Variants in ABCC4 observed in about 807,000 individuals in gnomAD.
ABCC4 encodes the protein ATP-binding cassette sub-family C member 4.
In ABCC4, 102 loss-of-function variants were observed where a neutral mutation model predicts 168.5. The ratio of observed to expected loss-of-function variants is 0.61; its 90% CI spans 0.52 to 0.71. The LOEUF (loss-of-function observed/expected upper bound fraction) is 0.71, where lower values mean the gene tolerates loss of function less well. ABCC4 is among the 30% of genes least tolerant of loss of function. The pLI, the probability that ABCC4 is intolerant of heterozygous loss-of-function variation, is 0.00. For synonymous variants in ABCC4, 617 were observed against 590.7 expected (o/e 1.04, Z -0.65); for missense variants, 1,402 against 1,605.8 (o/e 0.87, Z 2.17).
intron 20 of ABCC4, among the ~76,000 whole-genome samples, chr13:95,113,856 G>A (rs1396831205): frequency 6.6e-6 from 1 of 152,088 alleles, no homozygotes; most frequent in Non-Finnish European, 1.5e-5. Context: ...AATGAATGTT[G>A]GGAAATGTCC....
chr13:95,270,804 T>C (rs1487577535), intron 1 of ABCC4, among the ~76,000 whole-genome samples: 5 of 152,326 alleles, frequency 3.3e-5, no homozygotes, highest in Admixed American at 2.0e-4. Flanking sequence ...TCATAGATGG[T>C]GGCCAAATGG....
chr13:95,282,332 G>A (rs910104950), intron 1 of ABCC4, among the ~76,000 whole-genome samples: 42 of 152,006 alleles, frequency 2.8e-4, no homozygotes, highest in African/African-American at 9.4e-4. Context: ...TCAAAGACAG[G>A]AAAGTCCCAC....
intron 15 of ABCC4, 88 bp from the exon 16 acceptor site, chr13:95,164,606 G>C: frequency 6.9e-7 from 1 of 1,453,908 alleles, no homozygotes; most frequent in Admixed American, 1.9e-5. Context: ...AAAGCTGTGG[G>C]GAAACAGGCA....
rs141097944 is a variant in ABCC4, at chr13:95,071,731, G to A, written c.3141C>T (p.Asn1047=). Residue 1047 remains asparagine, a synonymous_variant, in exon 25 of 31, where the codon AAC becomes AAT. Transcript: ENST00000645237. ...GAGGCCCACCTGGACTGTACATGAA[G>A]TTCACATTGTCAAAGATTATCACTC... ...HEGVIIFDNV[N]FMYSPGGPLV... 2 of 1,603,984 alleles carry A rather than the reference G, an allele frequency of 1.2e-6. No homozygotes were observed. The highest frequency in any genetic ancestry group is 1.1e-5 in the South Asian group (1 of 88,806).
intron 19 of ABCC4, among the ~76,000 whole-genome samples, chr13:95,129,607 T>G (rs916584844): frequency 6.6e-6 from 1 of 152,218 alleles, no homozygotes; most frequent in Non-Finnish European, 1.5e-5. Context: ...CTAAAATGGA[T>G]AGTATTTCTC....
chr13:95,022,271 A>G (rs2139188712), intron 30 of ABCC4, among the ~76,000 whole-genome samples: 1 of 152,330 alleles, frequency 6.6e-6, no homozygotes. Flanking sequence ...AGCTTTAACA[A>G]TGACTCAACC....
At chr13:95,205,185 T>A (rs529596215) in intron 8 of ABCC4, among the ~76,000 whole-genome samples, 1 of 152,310 alleles carries the variant, frequency 6.6e-6, no homozygotes, top group Admixed American at 6.5e-5. Flanking sequence ...ATATTTTTTA[T>A]GAAATACAAA....
rs988505285 is a variant in ABCC4 at position 95,133,398 on chromosome 13, G to A, written c.2456-17397C>T. On this transcript the variant is annotated intron_variant, in intron 19 of 30. Transcript: ENST00000645237. ...CAAAAAGGTGGGATTACAGGTATGAGCCACCACACCCAGTCCCTAAAAACA... is the reference window on the plus strand; with the variant it reads ...CAAAAAGGTGGGATTACAGGTATGAACCACCACACCCAGTCCCTAAAAACA... 2.0e-5 allele frequency among the ~76,000 whole-genome samples: 3 copies of A among 152,034 alleles called. 1 individual carries two copies. The highest frequency in any genetic ancestry group is 4.1e-4 in the South Asian group (2 of 4,826).
intron 9 of ABCC4, among the ~76,000 whole-genome samples, chr13:95,192,323 C>T (rs1426287620): frequency 6.6e-6 from 1 of 152,106 alleles, no homozygotes; most frequent in African/African-American, 2.4e-5. Flanking sequence ...CACCCCAGCA[C>T]CCTCTCAGCC....
chr13:95,137,644 T>A (rs569827011), intron 19 of ABCC4, among the ~76,000 whole-genome samples: 27 of 152,290 alleles, frequency 1.8e-4, no homozygotes, highest in Admixed American at 1.2e-3. Context: ...GCTTTCCTGG[T>A]GGTGTCCCTC....
chr13:95,045,991 A>C (rs961552736), intron 27 of ABCC4, among the ~76,000 whole-genome samples: 2 of 152,246 alleles, frequency 1.3e-5, no homozygotes, highest in African/African-American at 4.8e-5. Flanking sequence ...CATGCAAGGT[A>C]GGAAATTAAA....
At chr13:95,217,090 C>T (rs2039135555) in intron 4 of ABCC4, among the ~76,000 whole-genome samples, 1 of 152,120 alleles carries the variant, frequency 6.6e-6, no homozygotes. Flanking sequence ...GAGCAGGGCA[C>T]CATTTGATAG....
Position 95,294,950 on chromosome 13 carries a change from A to C in ABCC4, c.74+6291T>G, listed in dbSNP as rs530898608. Among the ~76,000 whole-genome samples, 15 of 152,258 alleles carry C rather than the reference A, an allele frequency of 9.9e-5. No individual in the cohort carries two copies. In the South Asian group the frequency reaches 2.9e-3, roughly 29 times the overall value. Reference sequence around the variant, plus strand: ...GCTTGGGCAACAAGAGTGAAACTCCATCTCAAAAATTAAAAAATTAAAAAC... The same window carrying C: ...GCTTGGGCAACAAGAGTGAAACTCCCTCTCAAAAATTAAAAAATTAAAAAC... On this transcript the variant is annotated intron_variant, in intron 1 of 30. Transcript: ENST00000645237.
chr13:95,057,640 C>A (rs1006493164), intron 26 of ABCC4, among the ~76,000 whole-genome samples: 4 of 152,164 alleles, frequency 2.6e-5, no homozygotes, highest in Admixed American at 2.6e-4. Context: ...TTAATCCTAA[C>A]CACGAATTTG....
At chr13:95,157,498 A>AGAGG (rs1346576999) in intron 19 of ABCC4, among the ~76,000 whole-genome samples, 2 of 135,796 alleles carry the variant, frequency 1.5e-5, no homozygotes, top group African/African-American at 5.9e-5. Context: ...AAAGGAAGAA[A>AGAGG]GAGGAAGGAA....
chr13:95,199,909 C>T (rs1264976898), intron 8 of ABCC4, among the ~76,000 whole-genome samples: 1 of 152,218 alleles, frequency 6.6e-6, no homozygotes, highest in Non-Finnish European at 1.5e-5. Context: ...CATCTCTCTC[C>T]ACTACCACGC....
At chr13:95,106,083 G>A (rs2034993319) in intron 20 of ABCC4, among the ~76,000 whole-genome samples, 1 of 152,106 alleles carries the variant, frequency 6.6e-6, no homozygotes, top group Admixed American at 6.6e-5. Context: ...ATTACAAGAT[G>A]AGCTGCCACT....
intron 20 of ABCC4, among the ~76,000 whole-genome samples, chr13:95,099,691 G>A (rs181507100): frequency 5.8e-4 from 89 of 152,236 alleles, no homozygotes; most frequent in Non-Finnish European, 1.2e-3. Context: ...GAACAAAAAT[G>A]GCTCCTGATC....
At chr13:95,239,574 T>C (rs967261136) in intron 3 of ABCC4, among the ~76,000 whole-genome samples, 1 of 152,042 alleles carries the variant, frequency 6.6e-6, no homozygotes, top group African/African-American at 2.4e-5. Flanking sequence ...TTCGATAGAC[T>C]CCCACTAGCC....
Sources: gnomAD v4.1 joint callset for allele counts (sites outside exome capture counted in the v4.1 genomes callset) on GRCh38, gnomAD v4.1.1 for gene constraint, MANE v1.5 for transcripts, NCBI Gene and HGNC (gene_info 2026-07-23, HGNC 2026-07-21) for gene names.